Variants in MARCHF1 observed in about 807,000 individuals in gnomAD.
The protein encoded by MARCHF1 is E3 ubiquitin-protein ligase MARCHF1.
Under a neutral mutation model 54.2 loss-of-function variants are expected in MARCHF1, and 40 were observed. The ratio of observed to expected loss-of-function variants is 0.74; its 90% CI spans 0.57 to 0.96. MARCHF1 has a LOEUF of 0.96. MARCHF1 is among the 40% of genes least tolerant of loss of function. The pLI, the probability that MARCHF1 is intolerant of heterozygous loss-of-function variation, is 0.00. For missense variants in MARCHF1, 586 were observed against 656.5 expected (o/e 0.89, Z 1.17); for synonymous variants, 236 against 236.3 (o/e 1.00, Z 0.01).
chr4:163,733,840 A>T (rs1248506452), intron 4 of MARCHF1, among the ~76,000 whole-genome samples: 1 of 152,224 alleles, frequency 6.6e-6, no homozygotes, highest in Non-Finnish European at 1.5e-5. Context: ...AAAATAAAGA[A>T]CTGATCTTCA....
chr4:164,159,806 C>T (rs969454760), intron 1 of MARCHF1, among the ~76,000 whole-genome samples: 1 of 152,166 alleles, frequency 6.6e-6, no homozygotes, highest in African/African-American at 2.4e-5. Context: ...TGAATTTAGA[C>T]TCAGCATTGG....
chr4:163,692,558 C>T lies in MARCHF1; in HGVS notation c.162+8255G>A, dbSNP rs185392515. On this transcript the variant is annotated intron_variant, in intron 5 of 9. Transcript: ENST00000514618. The stretch of plus-strand genomic sequence containing the variant: ...AGAGGAAGAATGAGAAGAAAATTAG[C>T]GAGATACCACAGGGCTGGATTATGG... 1.8e-3 allele frequency among the ~76,000 whole-genome samples: 267 copies of T among 151,716 alleles called. 7 individuals are homozygous for T. The highest frequency in any genetic ancestry group is 6.3e-3 in the African/African-American group (260 of 41,312).
intron 5 of MARCHF1, among the ~76,000 whole-genome samples, chr4:163,630,449 G>C (rs545364134): frequency 6.6e-6 from 1 of 152,236 alleles, no homozygotes; most frequent in East Asian, 1.9e-4. Context: ...GATTTCACAG[G>C]GTTCCAGAGA....
intron 1 of MARCHF1, among the ~76,000 whole-genome samples, chr4:164,121,757 T>C (rs1212648177): frequency 1.3e-5 from 2 of 152,008 alleles, no homozygotes; most frequent in South Asian, 2.1e-4. Context: ...TTGAATTCCA[T>C]CAAAAATTCA....
intron 2 of MARCHF1, among the ~76,000 whole-genome samples, chr4:164,091,860 TTTTGTGTG>T (rs961068930): frequency 8.1e-5 from 4 of 49,240 alleles, no homozygotes; most frequent in African/African-American, 3.1e-4. Context: ...ATATGTATAC[TTTTGTGTG>T]TGTGTGTGTG....
At chr4:164,165,120 T>A (rs1039661112) in intron 1 of MARCHF1, among the ~76,000 whole-genome samples, 4 of 151,916 alleles carry the variant, frequency 2.6e-5, no homozygotes, top group Admixed American at 6.6e-5. Flanking sequence ...AGAGATAGAA[T>A]CTTTGAGCTG....
At chr4:163,849,855 C>T (rs1389695) in intron 4 of MARCHF1, among the ~76,000 whole-genome samples, 7,112 of 152,114 alleles carry the variant, frequency 0.047, 462 homozygotes, top group East Asian at 0.25. Context: ...TCTGAAATGT[C>T]TGAGTTTATT....
intron 3 of MARCHF1, among the ~76,000 whole-genome samples, chr4:163,955,552 G>A (rs573979738): frequency 6.6e-6 from 1 of 152,050 alleles, no homozygotes; most frequent in South Asian, 2.1e-4. Flanking sequence ...TCTCATGTCT[G>A]TGCCCCTGCG....
chr4:164,036,661 C>T (rs916885762), intron 2 of MARCHF1, among the ~76,000 whole-genome samples: 1 of 152,020 alleles, frequency 6.6e-6, no homozygotes, highest in Non-Finnish European at 1.5e-5. Context: ...ACAGACAATT[C>T]ATGAAAAAGC....
intron 5 of MARCHF1, among the ~76,000 whole-genome samples, chr4:163,663,239 G>T (rs10025301): frequency 8.3e-5 from 12 of 144,956 alleles, no homozygotes; most frequent in Non-Finnish European, 7.5e-5. Flanking sequence ...TTTTTTTTTA[G>T]ATTTAGGGCT....
chr4:163,778,696 T>C (rs1184101792), intron 4 of MARCHF1, among the ~76,000 whole-genome samples: 1 of 152,150 alleles, frequency 6.6e-6, no homozygotes, highest in Non-Finnish European at 1.5e-5. Context: ...ATATTTTTAT[T>C]GCATCATGGA....
intron 2 of MARCHF1, among the ~76,000 whole-genome samples, chr4:164,014,968 C>A (rs550109830): frequency 6.6e-6 from 1 of 152,236 alleles, no homozygotes; most frequent in Admixed American, 6.5e-5. Context: ...ATTGGACAGA[C>A]CATCTTGACA....
At chr4:163,880,839 G>C (rs1750399938) in intron 3 of MARCHF1, among the ~76,000 whole-genome samples, 1 of 152,060 alleles carries the variant, frequency 6.6e-6, no homozygotes, top group Non-Finnish European at 1.5e-5. Flanking sequence ...ATTTAAAAAT[G>C]TATGAGCTTT....
chr4:164,091,689 G>C (rs1228197875), intron 2 of MARCHF1, among the ~76,000 whole-genome samples: 1 of 151,916 alleles, frequency 6.6e-6, no homozygotes, highest in South Asian at 2.1e-4. Flanking sequence ...TGGAAATTAT[G>C]CTCAAAAGGC....
At chr4:164,075,403 T>G (rs568603840) in intron 2 of MARCHF1, among the ~76,000 whole-genome samples, 65 of 152,324 alleles carry the variant, frequency 4.3e-4, no homozygotes, top group African/African-American at 1.3e-3. Flanking sequence ...TGATTGGCTT[T>G]GCTCACTCAT....
Position 163,545,618 on chromosome 4 carries a change from T to C in MARCHF1, c.1317A>G (p.Glu439=), listed in dbSNP as rs1738873195. The C allele has an allele frequency of 1.2e-6, 2 of 1,613,578 alleles. No homozygotes were observed. The highest frequency in any genetic ancestry group is 1.7e-6 in the Non-Finnish European group (2 of 1,179,846). The part of the protein sequence containing the change: ...LYVLIDRTAE[E]IKQGNDNGVL... Reference sequence around the variant, plus strand: ...TACCATTGTCATTGCCTTGCTTGATTTCCTCCGCTGTCCGGTCTATCAATA... The same window carrying C: ...TACCATTGTCATTGCCTTGCTTGATCTCCTCCGCTGTCCGGTCTATCAATA... Residue 439 remains glutamate, a synonymous_variant, in exon 9 of 10, where the codon GAA becomes GAG. Transcript: ENST00000514618.
At chr4:163,983,083 CA>C (rs1489542128) in intron 3 of MARCHF1, among the ~76,000 whole-genome samples, 2 of 152,182 alleles carry the variant, frequency 1.3e-5, no homozygotes, top group African/African-American at 2.4e-5. Context: ...GTAATCACAA[CA>C]GATGTCCATT....
intron 4 of MARCHF1, among the ~76,000 whole-genome samples, chr4:163,823,649 A>G (rs1318901287): frequency 6.6e-6 from 1 of 151,892 alleles, no homozygotes; most frequent in African/African-American, 2.4e-5. Flanking sequence ...AACTGAGTTG[A>G]TAATGTTCTA....
chr4:164,120,935 G>A (rs1211799401), intron 1 of MARCHF1, among the ~76,000 whole-genome samples: 2 of 151,488 alleles, frequency 1.3e-5, no homozygotes, highest in Non-Finnish European at 2.9e-5. Context: ...GAAAACAAGA[G>A]CAAACCAAAC....
Sources: allele counts gnomAD v4.1 joint callset (sites outside exome capture counted in the v4.1 genomes callset), GRCh38; gene constraint gnomAD v4.1.1; transcripts MANE v1.5; gene names NCBI Gene and HGNC (gene_info 2026-07-23, HGNC 2026-07-21).